The following HS3ST4 variants were observed in gnomAD, a reference collection of about 807,000 sequenced individuals.
The protein encoded by HS3ST4 is heparan sulfate glucosamine 3-O-sulfotransferase 4.
HS3ST4 carries 17 observed loss-of-function variants against 29.2 expected under a neutral mutation model. The observed-to-expected ratio is 0.58, with a 90% CI of 0.40 to 0.87. HS3ST4 has a LOEUF of 0.87. Ranked by LOEUF, HS3ST4 falls within the 40% of genes least tolerant of loss-of-function variation. HS3ST4 has a pLI of 0.00. For synonymous variants in HS3ST4, 314 were observed against 285.7 expected, an observed-to-expected ratio of 1.10 and a Z score of -1.00; for missense variants, 627 against 634.5, an observed-to-expected ratio of 0.99 and a Z score of 0.13.
chr16:26,020,958 T>C (rs1413970878), intron 1 of HS3ST4, among the ~76,000 whole-genome samples: 1 of 152,206 alleles, frequency 6.6e-6, no homozygotes, highest in East Asian at 1.9e-4. Context: ...TTGGTAAGAA[T>C]GGTTCTTGCC....
At chr16:26,085,808 AAGCTGC>A (rs1444990518) in intron 1 of HS3ST4, among the ~76,000 whole-genome samples, 2 of 151,812 alleles carry the variant, frequency 1.3e-5, no homozygotes, top group Non-Finnish European at 2.9e-5. Flanking sequence ...CAGGAGATTG[AAGCTGC>A]AGTGAGCTAT....
intron 1 of HS3ST4, among the ~76,000 whole-genome samples, chr16:25,704,577 A>G (rs929560158): frequency 1.3e-5 from 2 of 152,076 alleles, no homozygotes; most frequent in African/African-American, 4.8e-5. Context: ...TCCTGCCTCT[A>G]GTAGCTGGAC....
intron 1 of HS3ST4, among the ~76,000 whole-genome samples, chr16:25,744,447 A>G (rs1966673160): frequency 1.3e-5 from 2 of 152,188 alleles, no homozygotes; most frequent in Non-Finnish European, 2.9e-5. Context: ...TATAGTAGAA[A>G]CATCCTAAAT....
intron 1 of HS3ST4, among the ~76,000 whole-genome samples, chr16:25,720,009 TG>T (rs1399782538): frequency 1.3e-5 from 2 of 152,142 alleles, no homozygotes; most frequent in Non-Finnish European, 2.9e-5. Flanking sequence ...TTATATTCTA[TG>T]GGGGAAGACA....
Position 26,090,536 on chromosome 16 carries a change from G to A in HS3ST4, c.735-45076G>A, listed in dbSNP as rs186572317. Among the ~76,000 whole-genome samples the A allele has an allele frequency of 4.6e-5, 7 of 151,828 alleles. No homozygotes were observed. The East Asian group carries it at 1.4e-3, about 30-fold the overall frequency. On this transcript the variant is annotated intron_variant, in intron 1 of 1. Transcript: ENST00000331351. ...CCCATGGGAGTGGGCTCTTCCTTAA[G>A]AACTGATGAGACCCAAAGAGCAGAG... is the stretch of plus-strand genomic sequence containing the variant.
At chr16:25,783,029 A>G (rs1292283592) in intron 1 of HS3ST4, among the ~76,000 whole-genome samples, 1 of 151,842 alleles carries the variant, frequency 6.6e-6, no homozygotes, top group East Asian at 1.9e-4. Context: ...ATCCACCCTC[A>G]TTTTGTTGCT....
intron 1 of HS3ST4, among the ~76,000 whole-genome samples, chr16:26,019,304 A>G (rs1251857926): frequency 6.6e-6 from 1 of 152,096 alleles, no homozygotes; most frequent in Non-Finnish European, 1.5e-5. Flanking sequence ...TCACGTCCCA[A>G]TCATTCTGGT....
At chr16:25,743,213 A>G (rs1283563032) in intron 1 of HS3ST4, among the ~76,000 whole-genome samples, 2 of 152,152 alleles carry the variant, frequency 1.3e-5, no homozygotes, top group Non-Finnish European at 2.9e-5. Flanking sequence ...GAACACTGGA[A>G]TCTTGGCTGT....
intron 1 of HS3ST4, among the ~76,000 whole-genome samples, chr16:25,728,703 C>G (rs1966552740): frequency 6.6e-6 from 1 of 152,192 alleles, no homozygotes; most frequent in Non-Finnish European, 1.5e-5. Flanking sequence ...GGCAACGATA[C>G]AAACCAACAC....
At chr16:26,106,047 G>C (rs1158777414) in intron 1 of HS3ST4, among the ~76,000 whole-genome samples, 1 of 152,192 alleles carries the variant, frequency 6.6e-6, no homozygotes, top group Non-Finnish European at 1.5e-5. Context: ...AAAAGATACA[G>C]TGAAACCTGA....
chr16:25,839,903 T>C (rs1314612868), intron 1 of HS3ST4, among the ~76,000 whole-genome samples: 1 of 152,004 alleles, frequency 6.6e-6, no homozygotes, highest in Non-Finnish European at 1.5e-5. Flanking sequence ...ATCCCTTTGC[T>C]GAAAAAAGGT....
At chr16:25,765,767 C>A (rs17625954) in intron 1 of HS3ST4, among the ~76,000 whole-genome samples, 26 of 152,044 alleles carry the variant, frequency 1.7e-4, no homozygotes, top group Non-Finnish European at 3.2e-4. Context: ...GTTGGCCAAC[C>A]TGTAGACCTA....
chr16:25,836,868 G>A (rs1158369861), intron 1 of HS3ST4, among the ~76,000 whole-genome samples: 2 of 152,164 alleles, frequency 1.3e-5, no homozygotes, highest in Non-Finnish European at 1.5e-5. Flanking sequence ...TATAGTTAAG[G>A]TGACTTCAGG....
intron 1 of HS3ST4, among the ~76,000 whole-genome samples, chr16:25,934,952 C>T (rs12932904): frequency 0.27 from 41,276 of 151,938 alleles, 5,967 homozygotes; most frequent in Admixed American, 0.38. Flanking sequence ...TTGCAATCCC[C>T]GCATGTTGAG....
At chr16:25,849,338 T>A (rs1231981605) in intron 1 of HS3ST4, among the ~76,000 whole-genome samples, 2 of 152,236 alleles carry the variant, frequency 1.3e-5, no homozygotes, top group African/African-American at 4.8e-5. Flanking sequence ...CTAATCAGAC[T>A]TGTTAACTGT....
At chr16:26,010,443 G>A (rs1012437125) in intron 1 of HS3ST4, among the ~76,000 whole-genome samples, 2 of 150,046 alleles carry the variant, frequency 1.3e-5, no homozygotes, top group African/African-American at 4.9e-5. Flanking sequence ...GACAGAGTGA[G>A]ACTCCATCTC....
chr16:25,854,810 C>CAAA (rs1485296189), intron 1 of HS3ST4, among the ~76,000 whole-genome samples: 3 of 149,552 alleles, frequency 2.0e-5, no homozygotes, highest in Non-Finnish European at 4.4e-5. Flanking sequence ...AAAGAAAATG[C>CAAA]AAACTGTAAA....
chr16:25,857,502 T>G (rs991323395), intron 1 of HS3ST4, among the ~76,000 whole-genome samples: 2 of 152,190 alleles, frequency 1.3e-5, no homozygotes, highest in Non-Finnish European at 2.9e-5. Flanking sequence ...TGCGTATGAT[T>G]GGCTTATAGT....
chr16:25,796,307 T>TGG (rs1170937386), intron 1 of HS3ST4, among the ~76,000 whole-genome samples: 2 of 152,142 alleles, frequency 1.3e-5, no homozygotes, highest in African/African-American at 2.4e-5. Flanking sequence ...TTTGGGGGTT[T>TGG]GGGGGTTTGG....
Sources: gnomAD v4.1 joint callset for allele counts (sites outside exome capture counted in the v4.1 genomes callset) on GRCh38, gnomAD v4.1.1 for gene constraint, MANE v1.5 for transcripts, NCBI Gene and HGNC (gene_info 2026-07-23, HGNC 2026-07-21) for gene names.